CNTN3: variants seen among roughly 807,000 people sequenced by gnomAD.
CNTN3 encodes contactin-3.
Under a neutral mutation model 119.1 loss-of-function variants are expected in CNTN3, and 60 were observed. That is an observed-to-expected ratio of 0.50 (90% confidence interval 0.41 to 0.62). The LOEUF (loss-of-function observed/expected upper bound fraction) is 0.62. CNTN3 is among the 20% of genes least tolerant of loss of function. CNTN3 has a pLI of 0.00. For missense variants in CNTN3, 1,101 were observed against 1,242.4 expected, an observed-to-expected ratio of 0.89 and a Z score of 1.71; for synonymous variants, 450 against 438.7, an observed-to-expected ratio of 1.03 and a Z score of -0.32.
At chr3:74,536,073 C>T (rs1434770003) in intron 1 of CNTN3, among the ~76,000 whole-genome samples, 3 of 152,064 alleles carry the variant, frequency 2.0e-5, no homozygotes, top group Non-Finnish European at 4.4e-5. Context: ...CACTGAGAGA[C>T]AGGACGCATC....
chr3:74,570,889 T>G (rs1471449866), intron 1 of CNTN3, among the ~76,000 whole-genome samples: 2 of 152,210 alleles, frequency 1.3e-5, no homozygotes, highest in Non-Finnish European at 2.9e-5. Context: ...TTTAATTCAT[T>G]TGAACATGAA....
chr3:74,595,728 A>G (rs1300474964), intron 1 of CNTN3, among the ~76,000 whole-genome samples: 1 of 152,140 alleles, frequency 6.6e-6, no homozygotes. Context: ...CCCACAGCCA[A>G]TATCATACTG....
chr3:74,477,731 T>TG (rs1291985669), intron 4 of CNTN3, among the ~76,000 whole-genome samples: 2 of 152,004 alleles, frequency 1.3e-5, no homozygotes, highest in Middle Eastern at 3.2e-3. Flanking sequence ...AATGCTGGGG[T>TG]GGGGGAATAC....
chr3:74,401,261 T>G (rs1705184198), intron 5 of CNTN3, among the ~76,000 whole-genome samples: 1 of 152,168 alleles, frequency 6.6e-6, no homozygotes, highest in Non-Finnish European at 1.5e-5. Context: ...AAGATGAGAT[T>G]TTTTAACCAA....
Position 74,535,879 on chromosome 3 carries a change from C to T in CNTN3, c.-80-14687G>A, listed in dbSNP as rs369375139. 5.8e-4 allele frequency among the ~76,000 whole-genome samples: 89 copies of T among 152,156 alleles called. 2 individuals carry two copies. In the Middle Eastern group the frequency reaches 0.02, roughly 35 times the overall value. ...ATATATCTGCAACTCAGCTGCAGCC[C>T]GTCTTGAAACCTCTAACCAAAATGT... On this transcript the variant is annotated intron_variant, in intron 1 of 22. Transcript: ENST00000263665.
chr3:74,339,935 A>C (rs1351533069), intron 11 of CNTN3, among the ~76,000 whole-genome samples: 1 of 124,636 alleles, frequency 8.0e-6, no homozygotes, highest in Admixed American at 8.4e-5. Flanking sequence ...AGATAGATAG[A>C]TAGATAGCCA....
At chr3:74,490,163 T>C (rs1033112818) in intron 3 of CNTN3, among the ~76,000 whole-genome samples, 2 of 152,184 alleles carry the variant, frequency 1.3e-5, no homozygotes, top group African/African-American at 2.4e-5. Flanking sequence ...TTTTAAAGAA[T>C]ACATCTGACA....
At position 74,614,597 on chromosome 3, in the gene CNTN3, T is replaced by TGCCACCGCCGCCGCCGCC. The variant is rs1278224342; in HGVS notation, c.-305_-288dup. On this transcript the variant is annotated 5_prime_UTR_variant, in exon 1 of 23. Transcript: ENST00000263665. The stretch of plus-strand genomic sequence containing the variant: ...TCCACGGCGCCAGCCCGCCCGCCGC[T>TGCCACCGCCGCCGCCGCC]GCCACCGCCGCCGCCGCCAAGCGCC... Among the ~76,000 whole-genome samples, 3 of 147,564 alleles carry TGCCACCGCCGCCGCCGCC rather than the reference T, an allele frequency of 2.0e-5. No individual in the cohort carries two copies. Among genetic ancestry groups the TGCCACCGCCGCCGCCGCC allele is most frequent in the East Asian group, 2.0e-4 (1 of 5,048 alleles).
At position 74,334,792 on chromosome 3, in the gene CNTN3, G is replaced by T. The variant is rs923991093; in HGVS notation, c.1611C>A (p.Phe537Leu). The change falls in exon 13 of 23, where the codon TTC becomes TTA. Residue 537 changes from phenylalanine (F) to leucine (L), a missense_variant. By Grantham distance (22) the Phe-to-Leu change is conservative (BLOSUM62 0). Transcript: ENST00000263665. ...PLLDIIFTWY[F>L]NGALADFKKD... ...TCTTAAAATCTGCAAGGGCCCCATTGAAATACCAGGTAAAGATGATGTCTA... is the reference window on the plus strand; with the variant it reads ...TCTTAAAATCTGCAAGGGCCCCATTTAAATACCAGGTAAAGATGATGTCTA... The T allele has an allele frequency of 1.2e-6, 2 of 1,613,504 alleles. No individual in the cohort carries two copies. The highest frequency in any genetic ancestry group is 2.7e-5 in the African/African-American group (2 of 74,858).
At chr3:74,605,922 A>G (rs115497782) in intron 1 of CNTN3, among the ~76,000 whole-genome samples, 2,300 of 152,290 alleles carry the variant, frequency 0.015, 51 homozygotes, top group African/African-American at 0.051. Flanking sequence ...TGTGGCCACC[A>G]TCTTGCAAAC....
intron 1 of CNTN3, among the ~76,000 whole-genome samples, chr3:74,594,381 G>C (rs1358800962): frequency 6.7e-6 from 1 of 148,914 alleles, no homozygotes; most frequent in East Asian, 2.0e-4. Context: ...CCATGCTGGT[G>C]CACTGCACCC....
chr3:74,609,687 A>G (rs1267306306), intron 1 of CNTN3, among the ~76,000 whole-genome samples: 1 of 152,186 alleles, frequency 6.6e-6, no homozygotes, highest in Non-Finnish European at 1.5e-5. Context: ...CTGAATACGG[A>G]CCTTCTTGAC....
At chr3:74,384,386 G>C (rs927605000) in intron 5 of CNTN3, among the ~76,000 whole-genome samples, 1 of 152,154 alleles carries the variant, frequency 6.6e-6, no homozygotes, top group African/African-American at 2.4e-5. Flanking sequence ...ATGATAAAAC[G>C]CTTTTCTTTC....
chr3:74,590,486 TGCTCAGAGCAACTCTGG>T (rs2106685672), intron 1 of CNTN3, among the ~76,000 whole-genome samples: 1 of 110,160 alleles, frequency 9.1e-6, no homozygotes, highest in Admixed American at 8.9e-5. Flanking sequence ...AGGGACGCAG[TGCTCAGAGCAACTCTGG>T]GCAGTGCTCA....
intron 20 of CNTN3, among the ~76,000 whole-genome samples, chr3:74,278,431 T>C (rs538380725): frequency 6.6e-6 from 1 of 152,178 alleles, no homozygotes; most frequent in African/African-American, 2.4e-5. Flanking sequence ...TGGAGCAGAA[T>C]AGACAACCCA....
At chr3:74,477,295 T>C (rs1005838711) in intron 4 of CNTN3, among the ~76,000 whole-genome samples, 2 of 152,168 alleles carry the variant, frequency 1.3e-5, no homozygotes, top group African/African-American at 2.4e-5. Context: ...GAAAGTAAGC[T>C]ACTGTGTCTG....
intron 13 of CNTN3, among the ~76,000 whole-genome samples, chr3:74,328,720 A>G (rs974122815): frequency 6.6e-6 from 1 of 152,174 alleles, no homozygotes; most frequent in Non-Finnish European, 1.5e-5. Flanking sequence ...GCAAATAACT[A>G]CACATCAACA....
chr3:74,405,111 A>G (rs1362646287), intron 5 of CNTN3, among the ~76,000 whole-genome samples: 1 of 152,182 alleles, frequency 6.6e-6, no homozygotes, highest in Non-Finnish European at 1.5e-5. Flanking sequence ...TAGTTGGTAA[A>G]GTGTGTCTTA....
rs1295766609 is a variant in CNTN3 at position 74,499,539 on chromosome 3, T to C, written c.182+120A>G. ...ATCTGTTGAATATATCATACAACTA[T>C]AGCTTCACGTATTTTTTTCTTACTG... is the stretch of plus-strand genomic sequence containing the variant. On this transcript the variant is annotated intron_variant, in intron 3 of 22. Transcript: ENST00000263665. 4.8e-6 allele frequency: 4 copies of C among 833,566 alleles called. No homozygotes were observed. In the South Asian group the frequency reaches 5.7e-5, roughly 12 times the overall value. The allele number at this position is 833,566 out of a possible 1,614,324, so 51.6% of individuals were successfully genotyped here. A position where few individuals can be genotyped will look rare whatever the true frequency, so the allele number is the denominator to read the frequency against.
Sources: gnomAD v4.1 joint callset for allele counts (sites outside exome capture counted in the v4.1 genomes callset) on GRCh38, gnomAD v4.1.1 for gene constraint, MANE v1.5 for transcripts, NCBI Gene and HGNC (gene_info 2026-07-23, HGNC 2026-07-21) for gene names.